Variants in DNAH11 observed in about 807,000 individuals in gnomAD.
The protein encoded by DNAH11 is axonemal beta dynein heavy chain 11.
DNAH11 carries 442 observed loss-of-function variants against 526.0 expected under a neutral mutation model. That is an observed-to-expected ratio of 0.84 (90% CI 0.78 to 0.91). The LOEUF (loss-of-function observed/expected upper bound fraction) is 0.91. DNAH11 is among the 40% of genes least tolerant of loss of function. The probability of loss-of-function intolerance (pLI) is 0.00; values close to 1 mark genes in which losing one functional copy is unlikely to be tolerated. For missense variants in DNAH11, 6,989 were observed against 5,448.7 expected, an observed-to-expected ratio of 1.28 and a Z score of -8.90; for synonymous variants, 2,461 against 1,935.9, an observed-to-expected ratio of 1.27 and a Z score of -7.12.
chr7:21,799,311 G>A (rs1394981157), intron 61 of DNAH11, among the ~76,000 whole-genome samples: 5 of 151,868 alleles, frequency 3.3e-5, no homozygotes, highest in Admixed American at 2.0e-4. Context: ...ACCCAGAATA[G>A]ACCTGTAATA....
chr7:21,899,206 G>A (rs1325014362), intron 79 of DNAH11, 130 bp from the exon 80 acceptor site: 1 of 720,162 alleles, frequency 1.4e-6, no homozygotes, highest in African/African-American at 1.7e-5. Flanking sequence ...GTCAGGGAAG[G>A]ATTTTACCAG....
chr7:21,866,142 C>G (rs1391554948), intron 70 of DNAH11, among the ~76,000 whole-genome samples: 1 of 152,150 alleles, frequency 6.6e-6, no homozygotes, highest in African/African-American at 2.4e-5. Flanking sequence ...TCAATTTACC[C>G]AGCTCCTATT....
At chr7:21,847,240 T>A (rs1782453407) in intron 66 of DNAH11, among the ~76,000 whole-genome samples, 2 of 152,206 alleles carry the variant, frequency 1.3e-5, no homozygotes, top group Admixed American at 1.3e-4. Context: ...TTCACATTGC[T>A]CCTTTATCTA....
chr7:21,896,376 G>C (rs747615017), intron 79 of DNAH11, among the ~76,000 whole-genome samples: 1 of 152,136 alleles, frequency 6.6e-6, no homozygotes, highest in Non-Finnish European at 1.5e-5. Context: ...TATAGGACAC[G>C]ATTATTTTTC....
intron 21 of DNAH11, 76 bp downstream of exon 21, chr7:21,615,348 T>C: frequency 6.6e-7 from 1 of 1,523,192 alleles, no homozygotes. Flanking sequence ...GCCTATATTA[T>C]TCTATTTGGG....
rs143925539 is a variant in DNAH11, at chr7:21,759,685, GA to G, written c.8941-5735del. ...ATCTGAGAATAAACTATATCAACTGGAAAAAAAATACAGAGTGACTGTAGCA... is the reference window on the plus strand; with the variant it reads ...ATCTGAGAATAAACTATATCAACTGGAAAAAAATACAGAGTGACTGTAGCA... On this transcript the variant is annotated intron_variant, in intron 54 of 81. Transcript: ENST00000409508. Among the ~76,000 whole-genome samples, 58 of 151,730 alleles carry G rather than the reference GA, an allele frequency of 3.8e-4. No individual in the cohort carries two copies. The South Asian group carries it at 0.012, about 31-fold the overall frequency.
intron 8 of DNAH11, among the ~76,000 whole-genome samples, chr7:21,579,170 A>G (rs943000450): frequency 9.2e-5 from 14 of 152,174 alleles, no homozygotes; most frequent in African/African-American, 3.4e-4. Context: ...CTCTAATTAC[A>G]ACCCTTCAAT....
rs1418317471 is a variant in DNAH11, at chr7:21,561,077, G to T, written c.889G>T (p.Ala297Ser). The T allele has an allele frequency of 2.5e-6, 4 of 1,593,134 alleles. No individual in the cohort carries two copies. The highest frequency in any genetic ancestry group is 3.4e-6 in the Non-Finnish European group (4 of 1,169,386). ...NLSCIYDQLQ[A>S]PVVLKMVKIL... ...TTTTTTTCCTTTAACTTAGCTTCAG[G>T]CACCTGTTGTCCTCAAAATGGTTAA... The change falls in exon 5 of 82, where the codon GCA (alanine) becomes TCA (serine). Residue 297 changes from alanine to serine, a missense_variant. Transcript: ENST00000409508.
At chr7:21,747,980 A>G (rs1352955951) in intron 51 of DNAH11, among the ~76,000 whole-genome samples, 2 of 152,134 alleles carry the variant, frequency 1.3e-5, no homozygotes, top group Non-Finnish European at 2.9e-5. Flanking sequence ...CTTTGCATAT[A>G]TTTTCTTTTT....
At position 21,589,430 on chromosome 7, in the gene DNAH11, T is replaced by C. The variant is rs757858236; in HGVS notation, c.2169+27T>C. 3.9e-5 allele frequency: 60 copies of C among 1,544,154 alleles called. No homozygotes were observed. The South Asian group carries it at 5.3e-4, about 14-fold the overall frequency. ...TAGGGATTTGATTTTTTAAGATGAT[T>C]TATAAGTGCCCTTTTTATTATAAGC... On this transcript the variant is annotated intron_variant, in intron 12 of 81. Transcript: ENST00000409508.
chr7:21,704,683 T>A, intron 38 of DNAH11, 55 bp downstream of exon 38: 1 of 1,553,208 alleles, frequency 6.4e-7, no homozygotes, highest in South Asian at 1.2e-5. Flanking sequence ...GTGGAAATAA[T>A]TGTGGCTAAT....
chr7:21,760,231 G>A (rs1786839655), intron 54 of DNAH11, among the ~76,000 whole-genome samples: 1 of 152,134 alleles, frequency 6.6e-6, no homozygotes, highest in African/African-American at 2.4e-5. Context: ...CCCAACTCAA[G>A]GTATGCTTCC....
chr7:21,880,918 T>A, intron 75 of DNAH11, 25 bp downstream of exon 75: 2 of 1,561,760 alleles, frequency 1.3e-6, no homozygotes, highest in Non-Finnish European at 1.7e-6. Flanking sequence ...TCAAATAACC[T>A]CTTCCAAGGA....
chr7:21,714,205 A>G lies in DNAH11; in HGVS notation c.6983+2345A>G, dbSNP rs185929498. 1.3e-3 allele frequency among the ~76,000 whole-genome samples: 205 copies of G among 152,308 alleles called. No homozygotes were observed. The Middle Eastern group carries it at 0.02, about 15-fold the overall frequency. Reference sequence around the variant, plus strand: ...CAAAGGTCACGGGTTGGCTAAAGAGACACCCAATTTATATTCCTAAGAGAG... The same window carrying G: ...CAAAGGTCACGGGTTGGCTAAAGAGGCACCCAATTTATATTCCTAAGAGAG... On this transcript the variant is annotated intron_variant, in intron 42 of 81. Transcript: ENST00000409508.
At chr7:21,847,974 G>C (rs1288917964) in intron 66 of DNAH11, among the ~76,000 whole-genome samples, 1 of 151,934 alleles carries the variant, frequency 6.6e-6, no homozygotes. Flanking sequence ...TACCATCCTG[G>C]CTAACATGGT....
At chr7:21,610,238 T>A (rs752823812) in intron 20 of DNAH11, among the ~76,000 whole-genome samples, 58 of 152,196 alleles carry the variant, frequency 3.8e-4, no homozygotes, top group Non-Finnish European at 4.4e-4. Context: ...TGGGCGACAG[T>A]GCGAGACTCC....
intron 2 of DNAH11, among the ~76,000 whole-genome samples, chr7:21,554,500 G>A (rs995410246): frequency 1.3e-5 from 2 of 151,884 alleles, no homozygotes; most frequent in African/African-American, 4.8e-5. Flanking sequence ...ATCTCGTTTG[G>A]GATTGACATT....
At position 21,825,393 on chromosome 7, in the gene DNAH11, G is replaced by C. The variant is rs528709434; in HGVS notation, c.10691+7054G>C. On this transcript the variant is annotated intron_variant, in intron 65 of 81. Transcript: ENST00000409508. ...AGTGTTTATGTTCTATAGTGAGATA[G>C]TTGGGTTGTAGAACTTATGCACAAT... 1.4e-4 allele frequency among the ~76,000 whole-genome samples: 22 copies of C among 152,298 alleles called. No homozygotes were observed. The South Asian group carries it at 4.1e-3, about 29-fold the overall frequency.
chr7:21,861,783 T>G, intron 68 of DNAH11, 70 bp from the exon 69 acceptor site: 1 of 1,575,990 alleles, frequency 6.3e-7, no homozygotes, highest in South Asian at 1.2e-5. Flanking sequence ...ACTGTTGCCC[T>G]GTGTATCGGG....
Sources: allele counts gnomAD v4.1 joint callset (sites outside exome capture counted in the v4.1 genomes callset), GRCh38; gene constraint gnomAD v4.1.1; transcripts MANE v1.5; gene names NCBI Gene and HGNC (gene_info 2026-07-23, HGNC 2026-07-21).